Variants in COL26A1 observed in about 807,000 individuals in gnomAD.
The protein encoded by COL26A1 is collagen type XXVI alpha 1 chain, also known as collagen alpha-1(XXVI) chain.
COL26A1 carries 41 observed loss-of-function variants against 59.3 expected under a neutral mutation model. The observed-to-expected ratio is 0.69, with a 90% CI of 0.54 to 0.90. COL26A1 has a LOEUF of 0.90. COL26A1 is among the 40% of genes least tolerant of loss of function. COL26A1 has a pLI of 0.00. For missense variants in COL26A1, 612 were observed against 602.3 expected (o/e 1.02, Z -0.17); for synonymous variants, 266 against 256.0 (o/e 1.04, Z -0.37).
In COL26A1 at chr7:101,453,047, G is replaced by A. The variant is rs190612522; in HGVS notation, c.385+5260G>A. On this transcript the variant is annotated intron_variant, in intron 3 of 12. Coordinates refer to ENST00000313669, the MANE Select transcript of COL26A1 (RefSeq NM_001278563.3). Reference sequence around the variant, plus strand: ...ATTACAGGCGTGAGCCACTGTGCCCGGTCTAAAATACAGAATTATAATTTT... The same window carrying A: ...ATTACAGGCGTGAGCCACTGTGCCCAGTCTAAAATACAGAATTATAATTTT... Among the ~76,000 whole-genome samples the A allele has an allele frequency of 6.2e-4, 94 of 152,224 alleles. 1 individual carries two copies. The East Asian group carries it at 6.6e-3, about 11-fold the overall frequency.
chr7:101,496,461 A>T (rs1172816361), intron 3 of COL26A1, among the ~76,000 whole-genome samples: 1 of 152,134 alleles, frequency 6.6e-6, no homozygotes, highest in African/African-American at 2.4e-5. Context: ...AGTGGGCTGA[A>T]GTGTGGAGAT....
chr7:101,366,474 ATTTTTTTTTTTTTTTTTTTT>A (rs869149636), intron 1 of COL26A1, among the ~76,000 whole-genome samples: 67 of 76,270 alleles, frequency 8.8e-4, no homozygotes, highest in South Asian at 3.7e-3. Context: ...TTAACGTCTG[ATTTTTTTTTTTTTTTTTTTT>A]TTTTTTTTTT....
At chr7:101,510,906 T>C (rs572829588) in intron 3 of COL26A1, among the ~76,000 whole-genome samples, 8 of 146,414 alleles carry the variant, frequency 5.5e-5, no homozygotes, top group East Asian at 2.0e-4. Flanking sequence ...TTCTTTTTTT[T>C]TTTTTTTTTT....
rs1793597448 is a variant in COL26A1, at chr7:101,461,004, CAG to C, written c.385+13218_385+13219del. Among the ~76,000 whole-genome samples the C allele has an allele frequency of 7.2e-5, 11 of 152,116 alleles. No homozygotes were observed. In the South Asian group the frequency reaches 2.3e-3, roughly 32 times the overall value. On this transcript the variant is annotated intron_variant, in intron 3 of 12. Coordinates refer to ENST00000313669, the MANE Select transcript of COL26A1 (RefSeq NM_001278563.3). ...TGTTACTTTATTTTATTTTTTGAAA[CAG>C]GGTCTTGCTCTGTCACCCAGGCTGG... is the stretch of plus-strand genomic sequence containing the variant.
chr7:101,469,209 G>A (rs774961557), intron 3 of COL26A1, among the ~76,000 whole-genome samples: 17 of 152,134 alleles, frequency 1.1e-4, no homozygotes, highest in Non-Finnish European at 2.1e-4. Flanking sequence ...GAAATTCTGG[G>A]GGTCTCTCTC....
intron 1 of COL26A1, chr7:101,389,033 G>GT: frequency 3.7e-6 from 1 of 268,864 alleles, no homozygotes; most frequent in Non-Finnish European, 7.2e-6. Context: ...TGAGGTGACC[G>GT]TTTTTCACCT....
intron 3 of COL26A1, among the ~76,000 whole-genome samples, chr7:101,511,390 A>G (rs907506563): frequency 1.3e-5 from 2 of 152,198 alleles, no homozygotes; most frequent in Non-Finnish European, 2.9e-5. Flanking sequence ...CTCAATGTGA[A>G]TGCTACTAAC....
chr7:101,416,000 C>CA (rs1792363360), intron 1 of COL26A1, among the ~76,000 whole-genome samples: 1 of 143,752 alleles, frequency 7.0e-6, no homozygotes, highest in Admixed American at 7.0e-5. Flanking sequence ...GTCCAGTAGT[C>CA]AGGATTTTTG....
At chr7:101,390,810 T>A (rs1439356917) in intron 1 of COL26A1, among the ~76,000 whole-genome samples, 1 of 152,126 alleles carries the variant, frequency 6.6e-6, no homozygotes, top group Non-Finnish European at 1.5e-5. Flanking sequence ...CTTGGAAATA[T>A]CTGGTGAGGT....
chr7:101,489,772 T>C (rs1186505866), intron 3 of COL26A1, among the ~76,000 whole-genome samples: 154 of 3,310 alleles, frequency 0.047, 34 homozygotes, highest in South Asian at 0.068. Flanking sequence ...CTTTCTTTCT[T>C]TCTTTCTTTC....
At chr7:101,502,620 G>A (rs1794728618) in intron 3 of COL26A1, among the ~76,000 whole-genome samples, 1 of 146,978 alleles carries the variant, frequency 6.8e-6, no homozygotes, top group South Asian at 2.1e-4. Flanking sequence ...CTGGAGCTGG[G>A]CTGGAGCCCC....
At chr7:101,379,670 G>A (rs73173768) in intron 1 of COL26A1, among the ~76,000 whole-genome samples, 8,392 of 152,198 alleles carry the variant, frequency 0.055, 259 homozygotes, top group East Asian at 0.085. Context: ...GGGCGAGATA[G>A]GAGGTCAGCA....
Position 101,489,815 on chromosome 7 carries a change from T to G in COL26A1, c.385+42028T>G, listed in dbSNP as rs1277329801. On this transcript the variant is annotated intron_variant, in intron 3 of 12. Coordinates refer to ENST00000313669, the MANE Select transcript of COL26A1 (RefSeq NM_001278563.3). ...CTTTCTTTCTTTCTTTCTTTCTTTC[T>G]TTCTTTCTTTCTTTCTTTCTTTCTT... Among the ~76,000 whole-genome samples the G allele has an allele frequency of 6.4e-4, 3 of 4,666 alleles. No homozygotes were observed. In the East Asian group the frequency reaches 0.011, roughly 17 times the overall value. 3.1% of individuals were successfully genotyped at this position (4,666 alleles called of 152,430 possible). A position where few individuals can be genotyped will look rare whatever the true frequency, so the allele number is the denominator to read the frequency against.
intron 5 of COL26A1, among the ~76,000 whole-genome samples, chr7:101,542,799 C>CT (rs11402650): frequency 0.48 from 72,449 of 151,944 alleles, 19,619 homozygotes; most frequent in African/African-American, 0.74. Flanking sequence ...CTCTGGCCCC[C>CT]GGCCTACCCC....
At chr7:101,362,863 A>AGAGGC (rs1269929812), upstream of COL26A1, 1 of 615,402 alleles carries the variant, frequency 1.6e-6, no homozygotes, top group African/African-American at 2.0e-5. Context: ...GCGGCCCCGG[A>AGAGGC]GAGGCGTGGG....
In COL26A1 at chr7:101,544,086, G is replaced by A. The variant is rs776272496; in HGVS notation, c.693G>A (p.Ala231=). The change falls in exon 6 of 13, where the codon GCG becomes GCA. Residue 231 remains alanine, a synonymous_variant. Transcript: ENST00000313669. The part of the protein sequence containing the change: ...DRGQTGEKGP[A]GPPGLLGPPG... ...GCCAGACAGGAGAGAAGGGTCCAGCGGGGCCGCCTGGTAAGAAAACCCCCC... is the reference window on the plus strand; with the variant it reads ...GCCAGACAGGAGAGAAGGGTCCAGCAGGGCCGCCTGGTAAGAAAACCCCCC... 32 of 1,601,112 alleles carry A rather than the reference G, an allele frequency of 2.0e-5. No homozygotes were observed. Among genetic ancestry groups the A allele is most frequent in the Admixed American group, 1.9e-4 (11 of 58,382 alleles).
chr7:101,501,220 A>G (rs986557273), intron 3 of COL26A1, among the ~76,000 whole-genome samples: 1 of 149,142 alleles, frequency 6.7e-6, no homozygotes. Context: ...AAGAAAAGAA[A>G]AAAAAAAAAA....
intron 1 of COL26A1, among the ~76,000 whole-genome samples, chr7:101,376,955 T>A (rs556899273): frequency 6.6e-6 from 1 of 152,236 alleles, no homozygotes; most frequent in South Asian, 2.1e-4. Flanking sequence ...GCCTCCTGGC[T>A]TCAAGTGATT....
At chr7:101,458,804 C>CTTTT (rs35208249) in intron 3 of COL26A1, among the ~76,000 whole-genome samples, 37,635 of 139,968 alleles carry the variant, frequency 0.27, 5,487 homozygotes, top group Middle Eastern at 0.32. Context: ...AAACCTGGGT[C>CTTTT]TTTTTTTTTT....
Sources: allele counts gnomAD v4.1 joint callset (sites outside exome capture counted in the v4.1 genomes callset), GRCh38; gene constraint gnomAD v4.1.1; transcripts MANE v1.5; gene names NCBI Gene and HGNC (gene_info 2026-07-23, HGNC 2026-07-21).